The following TRPC6 variants were observed in gnomAD, a reference collection of about 807,000 sequenced individuals.
The protein encoded by TRPC6 is short transient receptor potential channel 6.
In TRPC6, 55 loss-of-function variants were observed where a neutral mutation model predicts 90.7. The ratio of observed to expected loss-of-function variants is 0.61; its 90% CI spans 0.49 to 0.76. The LOEUF (loss-of-function observed/expected upper bound fraction) is 0.76. Among genes scored for constraint, TRPC6 ranks in the 30% least tolerant of loss-of-function variants. The probability of loss-of-function intolerance (pLI) is 0.00; values close to 1 mark genes in which losing one functional copy is unlikely to be tolerated. For missense variants in TRPC6, 989 were observed against 1,122.7 expected (o/e 0.88, Z 1.70); for synonymous variants, 393 against 393.0 (o/e 1.00, Z 0.00).
intron 1 of TRPC6, among the ~76,000 whole-genome samples, chr11:101,572,451 C>CG (rs1197136824): frequency 4.6e-5 from 7 of 152,246 alleles, no homozygotes; most frequent in African/African-American, 1.7e-4. Flanking sequence ...GACAGTGTGG[C>CG]AATCCTCAAG....
At chr11:101,490,951 C>CT (rs1329414516) in intron 3 of TRPC6, among the ~76,000 whole-genome samples, 1 of 152,124 alleles carries the variant, frequency 6.6e-6, no homozygotes, top group East Asian at 1.9e-4. Flanking sequence ...GGTGATGTTC[C>CT]TGTCTTATAA....
intron 1 of TRPC6, 108 bp from the exon 2 acceptor site, chr11:101,504,906 T>A: frequency 7.8e-7 from 1 of 1,274,480 alleles, no homozygotes; most frequent in Non-Finnish European, 1.1e-6. Flanking sequence ...AGATGTTGTC[T>A]CATCATCTCT....
At position 101,488,205 on chromosome 11, in the gene TRPC6, T is replaced by A. The variant is rs139713304; in HGVS notation, c.1293+732A>T. ...ACGTGAAGAATAGGCTTGTTAGCAATGCAAGACACAAATTTCTCTACTTGT... is the reference window on the plus strand; with the variant it reads ...ACGTGAAGAATAGGCTTGTTAGCAAAGCAAGACACAAATTTCTCTACTTGT... On this transcript the variant is annotated intron_variant, in intron 4 of 12. Coordinates refer to ENST00000344327, the MANE Select transcript of TRPC6 (RefSeq NM_004621.6). Among the ~76,000 whole-genome samples the A allele has an allele frequency of 1.5e-3, 231 of 152,300 alleles. 1 individual carries two copies. Among genetic ancestry groups the A allele is most frequent in the African/African-American group, 5.3e-3 (220 of 41,568 alleles).
intron 1 of TRPC6, among the ~76,000 whole-genome samples, chr11:101,544,262 A>G (rs989769879): frequency 1.3e-5 from 2 of 152,162 alleles, no homozygotes; most frequent in African/African-American, 4.8e-5. Flanking sequence ...AGAAATAGGA[A>G]CCCTCTTACA....
intron 6 of TRPC6, 132 bp downstream of exon 6, chr11:101,476,169 A>G (rs1859412450): frequency 2.7e-6 from 2 of 741,400 alleles, no homozygotes; most frequent in Non-Finnish European, 4.5e-6. Context: ...ATAGATGCTC[A>G]TTCTTCAGAT....
intron 1 of TRPC6, among the ~76,000 whole-genome samples, chr11:101,569,227 G>GA (rs897097660): frequency 6.6e-6 from 1 of 150,792 alleles, no homozygotes; most frequent in African/African-American, 2.4e-5. Context: ...CCTAGCCTCT[G>GA]AAAAAACAGA....
intron 1 of TRPC6, among the ~76,000 whole-genome samples, chr11:101,507,044 C>T (rs1041499623): frequency 1.0e-3 from 148 of 147,594 alleles, no homozygotes; most frequent in Non-Finnish European, 1.4e-3. Context: ...CACACACACA[C>T]ACACACAGAC....
chr11:101,571,408 C>T (rs1019000216), intron 1 of TRPC6, among the ~76,000 whole-genome samples: 2 of 152,040 alleles, frequency 1.3e-5, no homozygotes, highest in Non-Finnish European at 2.9e-5. Context: ...TGCTCATGGA[C>T]AGAAAGAATC....
intron 10 of TRPC6, among the ~76,000 whole-genome samples, chr11:101,462,451 G>A (rs898763858): frequency 6.6e-6 from 1 of 151,928 alleles, no homozygotes. Context: ...AGCGTGGAAC[G>A]ATTTTCCATT....
chr11:101,512,779 ACC>A (rs1860424536), intron 1 of TRPC6, among the ~76,000 whole-genome samples: 1 of 152,214 alleles, frequency 6.6e-6, no homozygotes, highest in Non-Finnish European at 1.5e-5. Context: ...TCTTTGTAAT[ACC>A]AGCAAACTAT....
intron 1 of TRPC6, among the ~76,000 whole-genome samples, chr11:101,529,966 A>G (rs7940596): frequency 1 from 152,268 of 152,322 alleles, 76,107 homozygotes; most frequent in Non-Finnish European, 1. Flanking sequence ...ATCCTGTTTC[A>G]CCTTGGTCCT....
At chr11:101,461,756 C>A (rs936496201) in intron 10 of TRPC6, among the ~76,000 whole-genome samples, 1 of 152,216 alleles carries the variant, frequency 6.6e-6, no homozygotes. Context: ...TATTAAGGAT[C>A]AGAGTTAAAC....
chr11:101,492,372 C>T (rs1859847821), intron 2 of TRPC6, among the ~76,000 whole-genome samples: 1 of 152,048 alleles, frequency 6.6e-6, no homozygotes, highest in African/African-American at 2.4e-5. Flanking sequence ...TCGCTTGAGC[C>T]CAGAAGTTGG....
chr11:101,504,523 G>T lies in TRPC6; in HGVS notation c.446C>A (p.Thr149Lys), dbSNP rs1385719581. 6.2e-7 allele frequency: 1 copy of T among 1,613,996 alleles called. No homozygotes were observed. Among genetic ancestry groups the T allele is most frequent in the Non-Finnish European group, 8.5e-7 (1 of 1,180,002 alleles). Residue 149 changes from threonine (T) to lysine (K), a missense_variant, in exon 2 of 13, where the codon ACA (threonine) becomes AAA (lysine). Thr to Lys is a moderately conservative substitution (Grantham distance 78). Transcript: ENST00000344327. ...LAVANEHLEI[T>K]ELLLKKENLS... ...GTTTTCTTTCTTGAGAAGAAGTTCT[G>T]TAATTTCCAGATGCTCATTGGCCAC...
At chr11:101,541,562 TG>T (rs1861174980) in intron 1 of TRPC6, among the ~76,000 whole-genome samples, 1 of 151,824 alleles carries the variant, frequency 6.6e-6, no homozygotes, top group Admixed American at 6.6e-5. Flanking sequence ...AGGGTTTTAC[TG>T]TTTCTTATAG....
At chr11:101,572,409 T>C (rs12361061) in intron 1 of TRPC6, among the ~76,000 whole-genome samples, 10,011 of 152,278 alleles carry the variant, frequency 0.066, 445 homozygotes, top group East Asian at 0.11. Context: ...ACACTGTTGG[T>C]GGGAGTGTAA....
intron 1 of TRPC6, among the ~76,000 whole-genome samples, chr11:101,527,936 A>G (rs1438678413): frequency 2.0e-5 from 3 of 152,152 alleles, no homozygotes; most frequent in Middle Eastern, 3.4e-3. Context: ...AGCTGGGCAT[A>G]GTGACGGGCA....
chr11:101,533,089 G>A (rs1463586231), intron 1 of TRPC6, among the ~76,000 whole-genome samples: 1 of 152,140 alleles, frequency 6.6e-6, no homozygotes, highest in Non-Finnish European at 1.5e-5. Context: ...TATAGAAAAT[G>A]AACAATGAAT....
intron 6 of TRPC6, 135 bp downstream of exon 6, chr11:101,476,166 C>T (rs984650604): frequency 1.4e-6 from 1 of 728,810 alleles, no homozygotes; most frequent in South Asian, 1.8e-5. Context: ...CATATAGATG[C>T]TCATTCTTCA....
Sources: gnomAD v4.1 joint callset for allele counts (sites outside exome capture counted in the v4.1 genomes callset) on GRCh38, gnomAD v4.1.1 for gene constraint, MANE v1.5 for transcripts, NCBI Gene and HGNC (gene_info 2026-07-23, HGNC 2026-07-21) for gene names.